The following PPFIBP1 variants were observed in gnomAD, a reference collection of about 807,000 sequenced individuals.
PPFIBP1 encodes the protein PPFIB scaffold protein 1.
A neutral mutation model predicts 137.8 loss-of-function variants in PPFIBP1; 112 were observed. The ratio of observed to expected loss-of-function variants is 0.81; its 90% CI spans 0.70 to 0.95. The LOEUF is 0.95. Among genes scored for constraint, PPFIBP1 ranks in the 40% least tolerant of loss-of-function variants. The pLI, the probability that PPFIBP1 is intolerant of heterozygous loss-of-function variation, is 0.00. For missense variants in PPFIBP1, 1,083 were observed against 1,196.6 expected (o/e 0.91, Z 1.40); for synonymous variants, 378 against 417.3 (o/e 0.91, Z 1.15).
intron 12 of PPFIBP1, among the ~76,000 whole-genome samples, chr12:27,665,401 C>T (rs530351778): frequency 6.6e-6 from 1 of 152,134 alleles, no homozygotes; most frequent in Non-Finnish European, 1.5e-5. Flanking sequence ...TCAAGAAAGA[C>T]GTTTCCAACT....
chr12:27,565,482 C>A (rs930126796), intron 1 of PPFIBP1, among the ~76,000 whole-genome samples: 2 of 152,108 alleles, frequency 1.3e-5, no homozygotes, highest in African/African-American at 2.4e-5. Flanking sequence ...TTTCACCTCA[C>A]CGTATTTCTC....
chr12:27,529,525 C>A (rs890927612), intron 1 of PPFIBP1, among the ~76,000 whole-genome samples: 1 of 152,174 alleles, frequency 6.6e-6, no homozygotes, highest in African/African-American at 2.4e-5. Flanking sequence ...AAAACCCCGT[C>A]TCTACTAAAA....
In PPFIBP1 at chr12:27,690,892, T is replaced by G. The variant is rs1423538082; in HGVS notation, c.2686-857T>G. Among the ~76,000 whole-genome samples the G allele has an allele frequency of 2.6e-5, 4 of 152,036 alleles. No individual in the cohort carries two copies. In the East Asian group the frequency reaches 5.8e-4, roughly 22 times the overall value. ...ATTTATGGATCATACCAAATTCAGATTACTTTTTCTTCTTTAAAATTAATC... is the reference window on the plus strand; with the variant it reads ...ATTTATGGATCATACCAAATTCAGAGTACTTTTTCTTCTTTAAAATTAATC... On this transcript the variant is annotated intron_variant, in intron 27 of 29. Transcript: ENST00000228425.
Position 27,565,606 on chromosome 12 carries a change from C to A in PPFIBP1, c.-123-12546C>A, listed in dbSNP as rs529681389. Among the ~76,000 whole-genome samples, 4 of 152,282 alleles carry A rather than the reference C, an allele frequency of 2.6e-5. No individual in the cohort carries two copies. In the South Asian group the frequency reaches 6.2e-4, roughly 24 times the overall value. On this transcript the variant is annotated intron_variant, in intron 1 of 29. Coordinates refer to ENST00000228425, the MANE Select transcript of PPFIBP1 (RefSeq NM_003622.4). ...ATCTGCATAAAAACATTCAGGATGT[C>A]CCCCTTCCTAAGCACATAACTAATG... is the stretch of plus-strand genomic sequence containing the variant.
intron 8 of PPFIBP1, among the ~76,000 whole-genome samples, chr12:27,655,990 A>G (rs1431053640): frequency 1.3e-5 from 2 of 152,204 alleles, no homozygotes; most frequent in African/African-American, 4.8e-5. Flanking sequence ...AATCTTATAC[A>G]CAGTTGTATA....
intron 8 of PPFIBP1, among the ~76,000 whole-genome samples, chr12:27,655,545 G>A (rs551584938): frequency 5.9e-5 from 9 of 152,270 alleles, no homozygotes; most frequent in South Asian, 4.1e-4. Context: ...ATTCTGTTTC[G>A]TATCCACAGT....
At chr12:27,556,896 T>A (rs927285227) in intron 1 of PPFIBP1, among the ~76,000 whole-genome samples, 1 of 152,060 alleles carries the variant, frequency 6.6e-6, no homozygotes, top group Non-Finnish European at 1.5e-5. Flanking sequence ...CATATATGTT[T>A]GAAGGGAAGG....
At chr12:27,621,194 T>G (rs2056314226) in intron 2 of PPFIBP1, among the ~76,000 whole-genome samples, 1 of 152,260 alleles carries the variant, frequency 6.6e-6, no homozygotes, top group Non-Finnish European at 1.5e-5. Context: ...ACTACTCAAC[T>G]TTGCTGTTGT....
intron 1 of PPFIBP1, among the ~76,000 whole-genome samples, chr12:27,558,434 A>G (rs903201599): frequency 3.3e-5 from 5 of 151,840 alleles, no homozygotes; most frequent in Admixed American, 2.0e-4. Context: ...CAGTACAGAA[A>G]ATCAAGACTA....
intron 1 of PPFIBP1, among the ~76,000 whole-genome samples, chr12:27,526,338 A>T (rs1943748965): frequency 1.3e-5 from 2 of 152,232 alleles, no homozygotes; most frequent in Non-Finnish European, 2.9e-5. Flanking sequence ...TCTAAATTTG[A>T]TTCACAGTTT....
chr12:27,591,380 C>G (rs1386296126), intron 2 of PPFIBP1, among the ~76,000 whole-genome samples: 1 of 152,016 alleles, frequency 6.6e-6, no homozygotes, highest in African/African-American at 2.4e-5. Flanking sequence ...CTGAGGGCAC[C>G]TTCCTCAAAG....
chr12:27,618,218 A>G (rs1338547058), intron 2 of PPFIBP1, among the ~76,000 whole-genome samples: 1 of 152,222 alleles, frequency 6.6e-6, no homozygotes, highest in African/African-American at 2.4e-5. Flanking sequence ...CATGATCACC[A>G]TGGTAAGTGT....
rs1190168264 is a variant in PPFIBP1 at position 27,692,776 on chromosome 12, CCT to C, written c.2932-19_2932-18del. The C allele has an allele frequency of 2.5e-6, 4 of 1,613,880 alleles. No homozygotes were observed. Among genetic ancestry groups the C allele is most frequent in the Non-Finnish European group, 3.4e-6 (4 of 1,179,966 alleles). On this transcript the variant is annotated intron_variant, in intron 29 of 29. Transcript: ENST00000228425. ...GAGCTCTTGGCTCTCAGTGTGACTC[CCT>C]GTCTCCTTGTTTTCCAGCACATGTT...
At chr12:27,533,339 C>T (rs751224172) in intron 1 of PPFIBP1, among the ~76,000 whole-genome samples, 4 of 152,108 alleles carry the variant, frequency 2.6e-5, no homozygotes, top group Non-Finnish European at 5.9e-5. Flanking sequence ...GTAACACTTA[C>T]CTGGTAGGTT....
intron 1 of PPFIBP1, among the ~76,000 whole-genome samples, chr12:27,556,470 T>C (rs1431318769): frequency 1.3e-5 from 2 of 152,198 alleles, no homozygotes; most frequent in African/African-American, 4.8e-5. Flanking sequence ...TGGACTTAGC[T>C]TGCGTTGTTA....
Position 27,688,400 on chromosome 12 carries a change from A to G in PPFIBP1, c.2473A>G (p.Ser825Gly). The change falls in exon 26 of 30, where the codon AGT becomes GGT. Residue 825 changes from serine to glycine, a missense_variant. Transcript: ENST00000228425. ...LAEYAPNLRG[S>G]GVHGGLMVLE... ...AGAATATGCGCCCAATCTCAGAGGC[A>G]GTGGTGTCCATGGTGGGCTCATGGT... 6.2e-7 allele frequency: 1 copy of G among 1,614,138 alleles called. No individual in the cohort carries two copies. Among genetic ancestry groups the G allele is most frequent in the Non-Finnish European group, 8.5e-7 (1 of 1,180,002 alleles).
intron 2 of PPFIBP1, among the ~76,000 whole-genome samples, chr12:27,622,472 C>G (rs576865469): frequency 6.6e-6 from 1 of 152,140 alleles, no homozygotes; most frequent in South Asian, 2.1e-4. Flanking sequence ...TACAGTAGAC[C>G]GGTAACAGTT....
chr12:27,527,609 G>A (rs1182350952), intron 1 of PPFIBP1, among the ~76,000 whole-genome samples: 1 of 152,098 alleles, frequency 6.6e-6, no homozygotes, highest in Non-Finnish European at 1.5e-5. Flanking sequence ...AAACGATGAA[G>A]GAGTGAATTA....
intron 9 of PPFIBP1, among the ~76,000 whole-genome samples, chr12:27,658,346 C>T (rs1283425772): frequency 6.6e-6 from 1 of 152,096 alleles, no homozygotes; most frequent in Non-Finnish European, 1.5e-5. Flanking sequence ...CTAACTGCAT[C>T]CTCACTGGAC....
Sources: allele counts gnomAD v4.1 joint callset (sites outside exome capture counted in the v4.1 genomes callset), GRCh38; gene constraint gnomAD v4.1.1; transcripts MANE v1.5; gene names NCBI Gene and HGNC (gene_info 2026-07-23, HGNC 2026-07-21).